Variants in GAS7 observed in about 807,000 individuals in gnomAD.
GAS7 encodes growth arrest specific 7.
Under a neutral mutation model 71.1 loss-of-function variants are expected in GAS7, and 28 were observed. That is an observed-to-expected ratio of 0.39 (90% CI 0.29 to 0.54). The LOEUF is 0.54. GAS7 is among the 20% of genes least tolerant of loss of function. The pLI is 0.62. For missense variants in GAS7, 436 were observed against 627.8 expected (o/e 0.69, Z 3.27); for synonymous variants, 258 against 245.8 (o/e 1.05, Z -0.46).
intron 1 of GAS7, among the ~76,000 whole-genome samples, chr17:10,158,278 G>T (rs1045547522): frequency 6.7e-6 from 1 of 148,340 alleles, no homozygotes; most frequent in Admixed American, 6.7e-5. Flanking sequence ...CTCCCAAAGC[G>T]CTGGGATTAC....
chr17:10,147,448 C>T (rs759736446), intron 1 of GAS7, among the ~76,000 whole-genome samples: 9 of 152,230 alleles, frequency 5.9e-5, no homozygotes, highest in Non-Finnish European at 1.0e-4. Context: ...TTCTAAAATA[C>T]GCAGACAAAA....
intron 1 of GAS7, among the ~76,000 whole-genome samples, chr17:10,067,446 T>C (rs2073293687): frequency 6.6e-6 from 1 of 151,840 alleles, no homozygotes; most frequent in Non-Finnish European, 1.5e-5. Context: ...GGTTTCACCA[T>C]GTTGGCCAGG....
At chr17:10,008,975 A>G (rs2071646272) in intron 2 of GAS7, among the ~76,000 whole-genome samples, 1 of 152,188 alleles carries the variant, frequency 6.6e-6, no homozygotes, top group Non-Finnish European at 1.5e-5. Flanking sequence ...CATTCATTCT[A>G]TTTGGGGAGT....
intron 4 of GAS7, among the ~76,000 whole-genome samples, chr17:9,965,528 A>G (rs4275896): frequency 0.45 from 68,273 of 151,926 alleles, 15,726 homozygotes; most frequent in East Asian, 0.52. Flanking sequence ...GGGGGATAAG[A>G]GGAGGGAGAG....
chr17:9,959,462 TA>T lies in GAS7; in HGVS notation c.472-208del. Reference sequence around the variant, plus strand: ...CCCAGCTCTCGGGCTGAAGGCGAATTAAGGAAGCCTCCTGCACAGGCTCTGA... The same window carrying T: ...CCCAGCTCTCGGGCTGAAGGCGAATTAGGAAGCCTCCTGCACAGGCTCTGA... On this transcript the variant is annotated intron_variant, in intron 4 of 13. Transcript: ENST00000432992. This position sits in a 1 kb window ranked among gnomAD's most constrained non-coding sequence, Gnocchi z 5.0. 7.0e-7 allele frequency: 1 copy of T among 1,428,738 alleles called. No individual in the cohort carries two copies. Among genetic ancestry groups the T allele is most frequent in the Non-Finnish European group, 9.1e-7 (1 of 1,094,244 alleles). The allele number at this position is 1,428,738 out of a possible 1,614,324, so 88.5% of individuals were successfully genotyped here. A position where few individuals can be genotyped will look rare whatever the true frequency, so the allele number is the denominator to read the frequency against.
intron 1 of GAS7, among the ~76,000 whole-genome samples, chr17:10,071,227 T>G (rs1410566923): frequency 6.6e-6 from 1 of 152,084 alleles, no homozygotes; most frequent in East Asian, 1.9e-4. Flanking sequence ...GAGCTGTGTT[T>G]GAGTCCCGAC....
intron 1 of GAS7, among the ~76,000 whole-genome samples, chr17:10,197,982 G>T (rs1258370465): frequency 1.3e-5 from 2 of 152,186 alleles, no homozygotes; most frequent in Non-Finnish European, 2.9e-5. Flanking sequence ...GAGGCCCGGC[G>T]CAAGGTGGAA....
At chr17:10,187,780 G>A (rs571486616) in intron 1 of GAS7, among the ~76,000 whole-genome samples, 2 of 152,054 alleles carry the variant, frequency 1.3e-5, no homozygotes, top group Admixed American at 6.6e-5. Context: ...ATGCAGTCCC[G>A]GGCCAGCATG....
intron 1 of GAS7, among the ~76,000 whole-genome samples, chr17:10,104,382 T>C (rs2142057452): frequency 6.6e-6 from 1 of 152,350 alleles, no homozygotes; most frequent in South Asian, 2.1e-4. Context: ...TGTTCTTAAA[T>C]GTCACAGTGC....
rs1046547703 is a variant in GAS7 at position 9,981,997 on chromosome 17, G to A, written c.305-113C>T. Reference sequence around the variant, plus strand: ...TGGAGAAAAAGAGAGACAGCCAATCGCCCTCCTCCCCAACCCTGGCCAGAC... The same window carrying A: ...TGGAGAAAAAGAGAGACAGCCAATCACCCTCCTCCCCAACCCTGGCCAGAC... On this transcript the variant is annotated intron_variant, in intron 2 of 13. Coordinates refer to ENST00000432992, the MANE Select transcript of GAS7 (RefSeq NM_201433.2). This position sits in a 1 kb window ranked among gnomAD's most constrained non-coding sequence, Gnocchi z 4.4. The A allele has an allele frequency of 8.8e-6, 6 of 679,418 alleles. No individual in the cohort carries two copies. The highest frequency in any genetic ancestry group is 2.7e-5 in the East Asian group (1 of 37,274). 42.1% of individuals were successfully genotyped at this position (679,418 alleles called of 1,614,324 possible).
intron 7 of GAS7, among the ~76,000 whole-genome samples, chr17:9,942,222 C>T (rs994096136): frequency 6.6e-6 from 1 of 151,876 alleles, no homozygotes; most frequent in Non-Finnish European, 1.5e-5. Context: ...CAACTACACT[C>T]CAGCCTGGAT....
chr17:10,157,986 C>A (rs2074217775), intron 1 of GAS7, among the ~76,000 whole-genome samples: 1 of 152,140 alleles, frequency 6.6e-6, no homozygotes, highest in African/African-American at 2.4e-5. Context: ...CCAGCCTAGG[C>A]AACAGAACAA....
intron 11 of GAS7, among the ~76,000 whole-genome samples, chr17:9,921,163 T>C (rs1567772411): frequency 2.0e-5 from 3 of 150,786 alleles, no homozygotes; most frequent in African/African-American, 7.3e-5. Context: ...TTTTCTTTTT[T>C]TTTTTTTTTT....
intron 5 of GAS7, among the ~76,000 whole-genome samples, chr17:9,958,717 G>A (rs2069349244): frequency 6.6e-6 from 1 of 152,172 alleles, no homozygotes; most frequent in Non-Finnish European, 1.5e-5. Context: ...GCCCTGGGAG[G>A]CAGGCTGGCC....
intron 1 of GAS7, among the ~76,000 whole-genome samples, chr17:10,066,755 C>T (rs1204279635): frequency 1.3e-5 from 2 of 152,182 alleles, no homozygotes; most frequent in Non-Finnish European, 2.9e-5. Context: ...GACATCAGGA[C>T]AGCCTTTCTC....
chr17:9,934,638 C>A (rs1416845356), intron 8 of GAS7, among the ~76,000 whole-genome samples: 1 of 152,214 alleles, frequency 6.6e-6, no homozygotes, highest in Non-Finnish European at 1.5e-5. Flanking sequence ...AGAGCTTTCA[C>A]ATCACCCCTC....
At chr17:10,005,255 G>GTA (rs1567880712) in intron 2 of GAS7, among the ~76,000 whole-genome samples, 1 of 148,714 alleles carries the variant, frequency 6.7e-6, no homozygotes, top group African/African-American at 2.6e-5. Context: ...GCATGTGTGT[G>GTA]CACACATACA....
chr17:10,004,175 G>A (rs956739033), intron 2 of GAS7, among the ~76,000 whole-genome samples: 2 of 152,158 alleles, frequency 1.3e-5, no homozygotes, highest in African/African-American at 4.8e-5. Flanking sequence ...ACTTCAGGAA[G>A]CATTCTGTCT....
chr17:10,140,763 G>A (rs1023663254), intron 1 of GAS7, among the ~76,000 whole-genome samples: 1 of 152,236 alleles, frequency 6.6e-6, no homozygotes, highest in African/African-American at 2.4e-5. Context: ...TAGAGAAGCT[G>A]GAGATGGAAT....
Sources: gnomAD v4.1 joint callset for allele counts (sites outside exome capture counted in the v4.1 genomes callset) on GRCh38, gnomAD v4.1.1 for gene constraint, Gnocchi (gnomAD v3.1) non-coding constraint, MANE v1.5 for transcripts, NCBI Gene and HGNC (gene_info 2026-07-23, HGNC 2026-07-21) for gene names.